The following PRDX4 variants were observed in gnomAD, a reference collection of about 807,000 sequenced individuals.
PRDX4 encodes peroxiredoxin-4.
A neutral mutation model predicts 20.5 loss-of-function variants in PRDX4; 12 were observed. The observed-to-expected ratio is 0.58, with a 90% CI of 0.37 to 0.95. The LOEUF is 0.95. PRDX4 is among the 40% of genes least tolerant of loss of function. PRDX4 has a pLI of 0.01. For synonymous variants in PRDX4, 99 were observed against 87.5 expected, an observed-to-expected ratio of 1.13 and a Z score of -0.73; for missense variants, 180 against 207.3, an observed-to-expected ratio of 0.87 and a Z score of 0.81.
intron 2 of PRDX4, among the ~76,000 whole-genome samples, chrX:23,673,612 C>T (rs1480291951): frequency 9.1e-6 from 1 of 110,368 alleles, no homozygotes; most frequent in Non-Finnish European, 1.9e-5. Context: ...CAAAATTACC[C>T]GGGCGTGGTG....
chrX:23,672,219 C>G (rs1280379690), intron 2 of PRDX4, among the ~76,000 whole-genome samples: 2 of 111,543 alleles, frequency 1.8e-5, no homozygotes, highest in Non-Finnish European at 3.8e-5. Flanking sequence ...TGAGATAGTG[C>G]CACTGCACTC....
At chrX:23,683,301 A>G (rs1467577059) in intron 5 of PRDX4, among the ~76,000 whole-genome samples, 2 of 111,881 alleles carry the variant, frequency 1.8e-5, no homozygotes, top group Admixed American at 9.6e-5. Context: ...TGAAGTATAC[A>G]TGGCAAACAA....
intron 6 of PRDX4, among the ~76,000 whole-genome samples, chrX:23,684,147 CAG>C (rs1456258338): frequency 2.8e-5 from 3 of 108,916 alleles, no homozygotes; most frequent in Non-Finnish European, 5.7e-5. Context: ...AAGCAGAAAT[CAG>C]AGTACAGACA....
chrX:23,668,251 G>T (rs758350355), intron 1 of PRDX4, among the ~76,000 whole-genome samples: 2 of 112,357 alleles, frequency 1.8e-5, no homozygotes, highest in Non-Finnish European at 3.8e-5. Flanking sequence ...CACAGTGCTC[G>T]GGAGGTCAAA....
At chrX:23,675,370 GT>G (rs1927926429) in intron 3 of PRDX4, 1 of 466,879 alleles carries the variant, frequency 2.1e-6, no homozygotes, top group African/African-American at 2.4e-5. Context: ...TGCAATAGAT[GT>G]GATTTCTATA....
intron 4 of PRDX4, among the ~76,000 whole-genome samples, chrX:23,679,842 C>T (rs1256230934): frequency 9.1e-6 from 1 of 109,506 alleles, no homozygotes; most frequent in African/African-American, 3.3e-5. Flanking sequence ...ATTAGCTGGG[C>T]ATAGTGGCAT....
intron 2 of PRDX4, 82 bp downstream of exon 2, chrX:23,671,728 C>T (rs1019582645): frequency 1.3e-6 from 1 of 745,811 alleles, no homozygotes; most frequent in Non-Finnish European, 1.9e-6. Flanking sequence ...TTATTTTGTT[C>T]AGCTCTTGGT....
At chrX:23,684,641 C>A (rs1391111817) in intron 6 of PRDX4, among the ~76,000 whole-genome samples, 1 of 110,227 alleles carries the variant, frequency 9.1e-6, no homozygotes, top group Non-Finnish European at 1.9e-5. Context: ...GCTGGGACTA[C>A]AAGCCTGCAC....
At chrX:23,672,744 C>G (rs781620315) in intron 2 of PRDX4, among the ~76,000 whole-genome samples, 6 of 111,424 alleles carry the variant, frequency 5.4e-5, no homozygotes, top group Non-Finnish European at 1.1e-4. Context: ...CTACATAGAT[C>G]AAATTTAAAC....
intron 4 of PRDX4, among the ~76,000 whole-genome samples, chrX:23,681,755 T>A (rs948135459): frequency 8.9e-6 from 1 of 112,325 alleles, no homozygotes; most frequent in East Asian, 2.8e-4. Flanking sequence ...AATTTTTTTG[T>A]TAAGGCCGGG....
chrX:23,678,358 G>A (rs961876572), intron 3 of PRDX4, among the ~76,000 whole-genome samples: 6 of 110,315 alleles, frequency 5.4e-5, no homozygotes, highest in African/African-American at 9.9e-5. Context: ...GGCCAGGCGC[G>A]GTGGCTCACG....
chrX:23,682,407 T>A lies in PRDX4; in HGVS notation c.611T>A (p.Ile204Asn). The part of the protein sequence containing the change: ...DSGHTLRGLF[I>N]IDDKGILRQI... ...CTTCTGTTTTACAGAGGTCTCTTCA[T>A]TATTGATGACAAAGGAATCCTAAGA... The change falls in exon 5 of 7, where the codon ATT becomes AAT. Residue 204 changes from isoleucine to asparagine, a missense_variant. Ile to Asn is a moderately radical substitution (Grantham distance 149). Transcript: ENST00000379341. 8.6e-7 allele frequency: 1 copy of A among 1,165,621 alleles called. No homozygotes were observed. Among genetic ancestry groups the A allele is most frequent in the Non-Finnish European group, 1.2e-6 (1 of 867,021 alleles).
intron 3 of PRDX4, 47 bp downstream of exon 3, chrX:23,675,153 C>A (rs1927922542): frequency 8.3e-7 from 1 of 1,208,913 alleles, no homozygotes; most frequent in South Asian, 1.8e-5. Context: ...AATGGATTTA[C>A]TCTTAAAGCA....
intron 4 of PRDX4, 121 bp downstream of exon 4, chrX:23,679,408 G>A: frequency 1.2e-6 from 1 of 828,626 alleles, no homozygotes; most frequent in Non-Finnish European, 1.7e-6. Flanking sequence ...TTTGAGGCCA[G>A]GCACGGTAGC....
intron 1 of PRDX4, among the ~76,000 whole-genome samples, chrX:23,669,446 G>A (rs1482081761): frequency 8.9e-6 from 1 of 111,735 alleles, no homozygotes; most frequent in Non-Finnish European, 1.9e-5. Flanking sequence ...GTCACATGTA[G>A]GCTTATCTAT....
At chrX:23,682,600 A>C (rs1928093368) in intron 5 of PRDX4, 74 bp downstream of exon 5, 1 of 832,891 alleles carries the variant, frequency 1.2e-6, no homozygotes. Flanking sequence ...TTATCGTAAA[A>C]GTAATCGATA....
rs952580914 is a variant in PRDX4 at position 23,667,789 on chromosome X, C to A, written c.219C>A (p.Ser73=). 8.3e-7 allele frequency: 1 copy of A among 1,209,490 alleles called. No homozygotes were observed. The highest frequency in any genetic ancestry group is 1.1e-6 in the Non-Finnish European group (1 of 894,964). The part of the protein sequence containing the change: ...EASRVSVADH[S]LHLSKAKISK... ...CCCGGGTATCGGTCGCCGACCACTC[C>A]CTGCACCTAAGCAAAGCGAAGAGTA... Residue 73 remains serine, a synonymous_variant, in exon 1 of 7, where the codon TCC becomes TCA. Coordinates refer to ENST00000379341, the MANE Select transcript of PRDX4 (RefSeq NM_006406.2).
chrX:23,684,047 C>CAA (rs3063544), intron 6 of PRDX4, among the ~76,000 whole-genome samples: 16,124 of 58,029 alleles, frequency 0.28, 2,251 homozygotes, highest in South Asian at 0.39. Context: ...GACTCCTTCT[C>CAA]AAAAAAAAAA....
chrX:23,680,769 T>C (rs748533415), intron 4 of PRDX4, among the ~76,000 whole-genome samples: 87 of 109,605 alleles, frequency 7.9e-4, no homozygotes, highest in African/African-American at 2.8e-3. Context: ...AATTAGGCCA[T>C]TGTGGTGGCA....
Sources: gnomAD v4.1 joint callset for allele counts (sites outside exome capture counted in the v4.1 genomes callset) on GRCh38, gnomAD v4.1.1 for gene constraint, MANE v1.5 for transcripts, NCBI Gene and HGNC (gene_info 2026-07-23, HGNC 2026-07-21) for gene names.